CORIN: variants seen among roughly 807,000 people sequenced by gnomAD.
The protein encoded by CORIN is corin, serine peptidase.
CORIN carries 117 observed loss-of-function variants against 125.3 expected under a neutral mutation model. That is an observed-to-expected ratio of 0.93 (90% CI 0.80 to 1.09). CORIN has a LOEUF of 1.09. Ranked by LOEUF, CORIN falls within the 50% of genes least tolerant of loss-of-function variation. The pLI is 0.00. For synonymous variants in CORIN, 450 were observed against 466.4 expected, an observed-to-expected ratio of 0.96 and a Z score of 0.45; for missense variants, 1,253 against 1,306.7, an observed-to-expected ratio of 0.96 and a Z score of 0.63.
At chr4:47,676,066 G>A (rs1725005055) in intron 9 of CORIN, among the ~76,000 whole-genome samples, 1 of 152,100 alleles carries the variant, frequency 6.6e-6, no homozygotes, top group Non-Finnish European at 1.5e-5. Context: ...GGCTGAGAGA[G>A]GCTAGACAGA....
Position 47,626,474 on chromosome 4 carries a change from C to G in CORIN, c.2246G>C (p.Arg749Pro), listed in dbSNP as rs373955478. Residue 749 changes from arginine (R) to proline (P), a missense_variant, in exon 17 of 22, where the codon CGG becomes CCG. Coordinates refer to ENST00000273857, the MANE Select transcript of CORIN (RefSeq NM_006587.4). ...CCAGTTGGAGTGTAATGTCAGCCACCGCGGCTCTTTCTCCTGTTCCTGTAT... is the reference window on the plus strand; with the variant it reads ...CCAGTTGGAGTGTAATGTCAGCCACGGCGGCTCTTTCTCCTGTTCCTGTAT... Reference protein sequence around the residue: ...KLIQEQEKEPRWLTLHSNWES... With the variant: ...KLIQEQEKEPPWLTLHSNWES... 6.2e-7 allele frequency: 1 copy of G among 1,613,878 alleles called. No individual in the cohort carries two copies. Among genetic ancestry groups the G allele is most frequent in the African/African-American group, 1.3e-5 (1 of 74,894 alleles).
At chr4:47,768,555 A>C (rs1418269433) in intron 3 of CORIN, among the ~76,000 whole-genome samples, 1 of 152,234 alleles carries the variant, frequency 6.6e-6, no homozygotes, top group Non-Finnish European at 1.5e-5. Flanking sequence ...ACTTTGATGA[A>C]TATAGATACA....
At chr4:47,643,445 T>A (rs914719793) in intron 14 of CORIN, among the ~76,000 whole-genome samples, 189 bp from the exon 15 acceptor site, 1 of 152,154 alleles carries the variant, frequency 6.6e-6, no homozygotes, top group Admixed American at 6.5e-5. Context: ...CATCAATACA[T>A]ACAAAGAGCA....
intron 6 of CORIN, among the ~76,000 whole-genome samples, chr4:47,689,150 G>A (rs1577830038): frequency 1.3e-5 from 2 of 152,294 alleles, no homozygotes; most frequent in South Asian, 4.1e-4. Flanking sequence ...GTAACAAGAG[G>A]TGCTGGGTGG....
chr4:47,736,366 A>G (rs1249332589), intron 5 of CORIN, among the ~76,000 whole-genome samples: 2 of 152,222 alleles, frequency 1.3e-5, no homozygotes, highest in African/African-American at 4.8e-5. Context: ...GTACAACTAG[A>G]AAAGCCAGAT....
intron 6 of CORIN, among the ~76,000 whole-genome samples, chr4:47,686,062 A>G (rs900459621): frequency 2.0e-5 from 3 of 148,598 alleles, no homozygotes; most frequent in African/African-American, 7.5e-5. Context: ...ATACTAGATG[A>G]CGATTCGTTA....
chr4:47,660,875 T>A (rs941786627), intron 12 of CORIN, among the ~76,000 whole-genome samples: 1 of 152,160 alleles, frequency 6.6e-6, no homozygotes, highest in Admixed American at 6.5e-5. Context: ...ATATCTGCAC[T>A]CCCATGCTTG....
intron 6 of CORIN, among the ~76,000 whole-genome samples, chr4:47,687,446 T>C (rs1002114930): frequency 6.6e-6 from 1 of 152,194 alleles, no homozygotes; most frequent in Non-Finnish European, 1.5e-5. Flanking sequence ...AAGGTAGATG[T>C]TTTTCTAGAC....
chr4:47,837,570 G>A (rs1023792385), intron 1 of CORIN: 21 of 490,332 alleles, frequency 4.3e-5, no homozygotes, highest in African/African-American at 4.1e-4. Context: ...CAGGAAAGGT[G>A]GCATCACCCC....
chr4:47,635,286 A>C (rs908634698), intron 16 of CORIN, among the ~76,000 whole-genome samples: 3 of 151,240 alleles, frequency 2.0e-5, no homozygotes, highest in Non-Finnish European at 4.4e-5. Context: ...CTATTATTTT[A>C]GTTAGAGGAA....
intron 2 of CORIN, among the ~76,000 whole-genome samples, chr4:47,799,226 T>A (rs2039386790): frequency 6.6e-6 from 1 of 151,822 alleles, no homozygotes; most frequent in Non-Finnish European, 1.5e-5. Context: ...TTGTGAATAG[T>A]GCTGCCATGA....
At chr4:47,801,417 G>A (rs1478111975) in intron 2 of CORIN, among the ~76,000 whole-genome samples, 2 of 152,100 alleles carry the variant, frequency 1.3e-5, no homozygotes, top group African/African-American at 4.8e-5. Flanking sequence ...CACCCCAAAG[G>A]AACAGCAAAT....
intron 4 of CORIN, among the ~76,000 whole-genome samples, chr4:47,754,394 A>G (rs1478782574): frequency 6.6e-6 from 1 of 152,178 alleles, no homozygotes; most frequent in Non-Finnish European, 1.5e-5. Flanking sequence ...TAAATTCAGG[A>G]AAGTAAGCAG....
At chr4:47,694,729 CT>C (rs1384178723) in intron 5 of CORIN, among the ~76,000 whole-genome samples, 4 of 152,176 alleles carry the variant, frequency 2.6e-5, no homozygotes, top group African/African-American at 9.6e-5. Flanking sequence ...TCAGGAGGTT[CT>C]CGATTAATAT....
intron 2 of CORIN, among the ~76,000 whole-genome samples, chr4:47,798,908 G>A (rs552560498): frequency 1.3e-5 from 2 of 149,860 alleles, no homozygotes; most frequent in Admixed American, 1.3e-4. Context: ...GTAGACTCTA[G>A]TAGTCCCCAG....
At chr4:47,818,560 A>T (rs1229417545) in intron 1 of CORIN, among the ~76,000 whole-genome samples, 1 of 152,198 alleles carries the variant, frequency 6.6e-6, no homozygotes, top group Non-Finnish European at 1.5e-5. Flanking sequence ...AAAACAACTG[A>T]GGAACCATGC....
chr4:47,655,839 T>TA lies in CORIN; in HGVS notation c.1736-2180_1736-2179insT, dbSNP rs1723948736. 5.5e-5 allele frequency among the ~76,000 whole-genome samples: 8 copies of TA among 146,082 alleles called. 1 individual carries two copies. The highest frequency in any genetic ancestry group is 2.0e-4 in the African/African-American group (8 of 39,978). On this transcript the variant is annotated intron_variant, in intron 12 of 21. Transcript: ENST00000273857. ...ATGCTATTTAAGTAATACTTAAAAG[T>TA]CTTTCAGCAGAAAAAAAAAAAAAAA... is the stretch of plus-strand genomic sequence containing the variant.
At chr4:47,831,868 T>C (rs1240983184) in intron 1 of CORIN, among the ~76,000 whole-genome samples, 2 of 152,232 alleles carry the variant, frequency 1.3e-5, no homozygotes, top group Middle Eastern at 3.4e-3. Context: ...ATATGACTGA[T>C]GTTCTTATAA....
chr4:47,657,535 C>CAAAAAA (rs35311151), intron 12 of CORIN, among the ~76,000 whole-genome samples: 3 of 82,140 alleles, frequency 3.7e-5, no homozygotes, highest in Non-Finnish European at 4.9e-5. Context: ...ACTCCGTCTC[C>CAAAAAA]AAAAAAAAAA....
Sources: gnomAD v4.1 joint callset for allele counts (sites outside exome capture counted in the v4.1 genomes callset) on GRCh38, gnomAD v4.1.1 for gene constraint, MANE v1.5 for transcripts, NCBI Gene and HGNC (gene_info 2026-07-23, HGNC 2026-07-21) for gene names.